The following LRRTM3 variants were observed in gnomAD, a reference collection of about 807,000 sequenced individuals.
LRRTM3 encodes leucine rich repeat transmembrane neuronal 3, also known as leucine-rich repeat transmembrane neuronal protein 3.
In LRRTM3, 24 loss-of-function variants were observed where a neutral mutation model predicts 44.7. The observed-to-expected ratio is 0.54, with a 90% CI of 0.39 to 0.76. The LOEUF (loss-of-function observed/expected upper bound fraction) is 0.76. Among genes scored for constraint, LRRTM3 ranks in the 30% least tolerant of loss-of-function variants. The pLI is 0.00. For synonymous variants in LRRTM3, 277 were observed against 278.7 expected, an observed-to-expected ratio of 0.99 and a Z score of 0.06; for missense variants, 587 against 702.2, an observed-to-expected ratio of 0.84 and a Z score of 1.85.
chr10:66,968,922 C>G (rs1183221879), intron 2 of LRRTM3, among the ~76,000 whole-genome samples: 1 of 151,956 alleles, frequency 6.6e-6, no homozygotes, highest in Non-Finnish European at 1.5e-5. Context: ...GGCGCTGAGG[C>G]AGGAGAATTG....
At chr10:67,088,524 C>T (rs755960774) in intron 2 of LRRTM3, among the ~76,000 whole-genome samples, 1 of 151,854 alleles carries the variant, frequency 6.6e-6, no homozygotes, top group Non-Finnish European at 1.5e-5. Context: ...CTCCCTGTTA[C>T]TTAGATGGAC....
At chr10:67,070,181 G>A (rs1347786548) in intron 2 of LRRTM3, among the ~76,000 whole-genome samples, 1 of 151,984 alleles carries the variant, frequency 6.6e-6, no homozygotes, top group Non-Finnish European at 1.5e-5. Context: ...TATATATATT[G>A]CAATTTGGAT....
chr10:67,026,825 TA>T (rs1853420741), intron 2 of LRRTM3, among the ~76,000 whole-genome samples: 1 of 152,210 alleles, frequency 6.6e-6, no homozygotes, highest in African/African-American at 2.4e-5. Flanking sequence ...ATGTGTTAAT[TA>T]AAAGAGTTCA....
intron 2 of LRRTM3, among the ~76,000 whole-genome samples, chr10:67,020,775 T>C (rs73326975): frequency 0.034 from 5,206 of 152,204 alleles, 321 homozygotes; most frequent in African/African-American, 0.12. Flanking sequence ...GGAATGACCA[T>C]GTAAGTTTCA....
chr10:67,096,292 G>A (rs1469007958), intron 2 of LRRTM3, among the ~76,000 whole-genome samples: 2 of 151,762 alleles, frequency 1.3e-5, no homozygotes, highest in Non-Finnish European at 2.9e-5. Context: ...CATGTAAGTA[G>A]AACTGTAGGG....
At position 66,946,191 on chromosome 10, in the gene LRRTM3, C is replaced by T. The variant is rs73331642; in HGVS notation, c.1536+17739C>T. Among the ~76,000 whole-genome samples, 1,138 of 152,098 alleles carry T rather than the reference C, an allele frequency of 7.5e-3. 16 individuals are homozygous for T. The highest frequency in any genetic ancestry group is 0.026 in the African/African-American group (1,086 of 41,506). On this transcript the variant is annotated intron_variant, in intron 2 of 2. Transcript: ENST00000361320. ...TGCAGTACAATAAAATGAGGTGTGCCTGCACTCTGTTGGATAATTAATTCT... is the reference window on the plus strand; with the variant it reads ...TGCAGTACAATAAAATGAGGTGTGCTTGCACTCTGTTGGATAATTAATTCT...
At chr10:67,040,247 G>C (rs1925633) in intron 2 of LRRTM3, among the ~76,000 whole-genome samples, 129,911 of 152,050 alleles carry the variant, frequency 0.85, 56,091 homozygotes, top group Middle Eastern at 0.93. Context: ...CGGTCTACAT[G>C]TGATCCTAAG....
chr10:67,077,871 T>C (rs561231151), intron 2 of LRRTM3, among the ~76,000 whole-genome samples: 11 of 152,240 alleles, frequency 7.2e-5, no homozygotes, highest in African/African-American at 2.2e-4. Context: ...AAAGAAAAGA[T>C]AGAAATCTTT....
In LRRTM3 at chr10:67,101,279, T is replaced by G. The variant is rs932432738; in HGVS notation, c.*3483T>G. 1.3e-5 allele frequency among the ~76,000 whole-genome samples: 2 copies of G among 151,650 alleles called. No individual in the cohort carries two copies. Among genetic ancestry groups the G allele is most frequent in the Non-Finnish European group, 3.0e-5 (2 of 67,792 alleles). ...TGAGACTGCATAATTATAAAAGAGA[T>G]CCATAGTACAGGGTTGAACACATGT... On this transcript the variant is annotated 3_prime_UTR_variant, in exon 3 of 3. Transcript: ENST00000361320.
At chr10:67,050,472 A>C (rs1334706166) in intron 2 of LRRTM3, among the ~76,000 whole-genome samples, 1 of 152,244 alleles carries the variant, frequency 6.6e-6, no homozygotes, top group African/African-American at 2.4e-5. Flanking sequence ...CATTCAGCTT[A>C]GATTGCAGAA....
At chr10:66,936,169 G>T (rs563440674) in intron 2 of LRRTM3, among the ~76,000 whole-genome samples, 1 of 152,164 alleles carries the variant, frequency 6.6e-6, no homozygotes, top group South Asian at 2.1e-4. Context: ...CTTTACTCTG[G>T]TCACTTTTAT....
intron 2 of LRRTM3, among the ~76,000 whole-genome samples, chr10:66,975,965 C>T (rs571456872): frequency 6.6e-6 from 1 of 152,278 alleles, no homozygotes; most frequent in Non-Finnish European, 1.5e-5. Flanking sequence ...AACTGCTTAA[C>T]ATGCTACTGC....
intron 2 of LRRTM3, among the ~76,000 whole-genome samples, chr10:67,030,642 T>C (rs1853660278): frequency 6.6e-6 from 1 of 152,184 alleles, no homozygotes; most frequent in Non-Finnish European, 1.5e-5. Context: ...ATATATTTGT[T>C]TATCACCATT....
intron 2 of LRRTM3, among the ~76,000 whole-genome samples, chr10:66,938,875 T>C (rs1847856878): frequency 6.6e-6 from 1 of 152,198 alleles, no homozygotes; most frequent in African/African-American, 2.4e-5. Flanking sequence ...TTCATTTTTG[T>C]AGAGGCTAGG....
In LRRTM3 at chr10:66,957,401, T is replaced by TATATATGC. The variant is rs1554886313; in HGVS notation, c.1536+28955_1536+28956insGCATATAT. On this transcript the variant is annotated intron_variant, in intron 2 of 2. Transcript: ENST00000361320. ...GTGTGTGTATATATATACATATATA[T>TATATATGC]ATATATATATATGCATATATATATA... is the stretch of plus-strand genomic sequence containing the variant. Among the ~76,000 whole-genome samples the TATATATGC allele has an allele frequency of 2.9e-3, 88 of 30,504 alleles. 2 individuals carry two copies. The highest frequency in any genetic ancestry group is 3.8e-3 in the Non-Finnish European group (63 of 16,456). 20.0% of individuals were successfully genotyped at this position (30,504 alleles called of 152,430 possible). A position where few individuals can be genotyped will look rare whatever the true frequency, so the allele number is the denominator to read the frequency against.
At chr10:67,065,938 C>CA (rs10714806) in intron 2 of LRRTM3, among the ~76,000 whole-genome samples, 10,962 of 148,118 alleles carry the variant, frequency 0.074, 429 homozygotes, top group South Asian at 0.2. Context: ...GGCTGCCATT[C>CA]AAAAAAAAAA....
At chr10:66,933,159 A>G (rs1397494567) in intron 2 of LRRTM3, among the ~76,000 whole-genome samples, 1 of 152,236 alleles carries the variant, frequency 6.6e-6, no homozygotes, top group East Asian at 1.9e-4. Flanking sequence ...GCATGAGCCA[A>G]AAAGAAATCA....
intron 2 of LRRTM3, among the ~76,000 whole-genome samples, chr10:66,982,618 T>G (rs187029753): frequency 6.6e-6 from 1 of 152,032 alleles, no homozygotes; most frequent in Non-Finnish European, 1.5e-5. Context: ...CAAAGACAAT[T>G]GAAATAGAAA....
intron 2 of LRRTM3, among the ~76,000 whole-genome samples, chr10:66,954,550 G>T (rs1848695488): frequency 6.6e-6 from 1 of 152,132 alleles, no homozygotes; most frequent in South Asian, 2.1e-4. Context: ...CACTGGTCAT[G>T]CCCCATGGAT....
Sources: gnomAD v4.1 joint callset for allele counts (sites outside exome capture counted in the v4.1 genomes callset) on GRCh38, gnomAD v4.1.1 for gene constraint, MANE v1.5 for transcripts, NCBI Gene and HGNC (gene_info 2026-07-23, HGNC 2026-07-21) for gene names.